Variants in MIR2052HG observed in about 807,000 individuals in gnomAD.
MIR2052HG encodes MIR2052 host gene.
chr8:74,708,922 C>T lies in MIR2052HG; in HGVS notation n.371+5240C>T, dbSNP rs181055630. 1.9e-3 allele frequency among the ~76,000 whole-genome samples: 295 copies of T among 151,902 alleles called. 1 individual carries two copies. Among genetic ancestry groups the T allele is most frequent in the Admixed American group, 4.9e-3 (74 of 15,242 alleles). On this transcript the variant is annotated intron_variant and non_coding_transcript_variant, in intron 4 of 6. Transcript: ENST00000523442. ...GAACTGTAAGATAGAAAATGAGTCC[C>T]GCTTATGGCTTTTCTAGTAACTAAT... is the stretch of plus-strand genomic sequence containing the variant.
intron 2 of MIR2052HG, among the ~76,000 whole-genome samples, chr8:74,688,825 C>A (rs770082563): frequency 6.6e-6 from 1 of 152,112 alleles, no homozygotes; most frequent in African/African-American, 2.4e-5. Flanking sequence ...CACCCTTTCC[C>A]CACAAGTCCC....
At chr8:74,724,696 A>C (rs1420876632) in intron 4 of MIR2052HG, among the ~76,000 whole-genome samples, 2 of 152,184 alleles carry the variant, frequency 1.3e-5, no homozygotes, top group Non-Finnish European at 2.9e-5. Context: ...TGGTTCTAAC[A>C]GGTGAATTTC....
intron 4 of MIR2052HG, among the ~76,000 whole-genome samples, chr8:74,726,804 A>C (rs760970590): frequency 6.6e-6 from 1 of 151,700 alleles, no homozygotes; most frequent in South Asian, 2.1e-4. Context: ...GTAGATACAG[A>C]GTCTTGTTGA....
intron 4 of MIR2052HG, among the ~76,000 whole-genome samples, chr8:74,704,997 A>C (rs1486161779): frequency 6.6e-6 from 1 of 151,966 alleles, no homozygotes; most frequent in Non-Finnish European, 1.5e-5. Context: ...TGAAAGTTGC[A>C]CTGGTCATGA....
In MIR2052HG at chr8:74,714,698, C is replaced by CTTTTTTTTTT. The variant is rs10715580; in HGVS notation, n.371+11026_371+11035dup. On this transcript the variant is annotated intron_variant and non_coding_transcript_variant, in intron 4 of 6. Transcript: ENST00000523442. Reference sequence around the variant, plus strand: ...TCTTTGGGAGACCTCCTTTTTCCTTCTTTTTTTTTTTTTTTTTTTGTTTTT... The same window carrying CTTTTTTTTTT: ...TCTTTGGGAGACCTCCTTTTTCCTTCTTTTTTTTTTTTTTTTTTTTTTTTTTTTTGTTTTT... Among the ~76,000 whole-genome samples the CTTTTTTTTTT allele has an allele frequency of 2.6e-4, 32 of 124,440 alleles. 1 individual carries two copies. Among genetic ancestry groups the CTTTTTTTTTT allele is most frequent in the African/African-American group, 3.0e-4 (10 of 33,570 alleles). The allele number at this position is 124,440 out of a possible 152,430, so 81.6% of individuals were successfully genotyped here.
intron 4 of MIR2052HG, among the ~76,000 whole-genome samples, chr8:74,745,375 A>T (rs989112460): frequency 1.3e-5 from 2 of 152,236 alleles, no homozygotes; most frequent in African/African-American, 4.8e-5. Flanking sequence ...ATAAGCATTG[A>T]TTTATTAAAT....
chr8:74,673,832 T>C (rs1037988331), intron 2 of MIR2052HG, among the ~76,000 whole-genome samples: 12 of 149,458 alleles, frequency 8.0e-5, no homozygotes. Context: ...GCCTAACTTT[T>C]TGATGCCAAT....
At chr8:74,644,545 A>G (rs899094546) in intron 2 of MIR2052HG, among the ~76,000 whole-genome samples, 1 of 152,140 alleles carries the variant, frequency 6.6e-6, no homozygotes, top group African/African-American at 2.4e-5. Context: ...TAAGTGGTGC[A>G]TGATTGTAGT....
chr8:74,642,533 G>T (rs1460884707), intron 2 of MIR2052HG, among the ~76,000 whole-genome samples: 1 of 152,122 alleles, frequency 6.6e-6, no homozygotes, highest in African/African-American at 2.4e-5. Flanking sequence ...GTATATTTGA[G>T]ATTACTGTTA....
At chr8:74,736,586 A>G (rs1366383048) in intron 4 of MIR2052HG, among the ~76,000 whole-genome samples, 3 of 152,194 alleles carry the variant, frequency 2.0e-5, no homozygotes, top group Non-Finnish European at 4.4e-5. Flanking sequence ...TGTGTACTTG[A>G]GTCTCAGAAT....
intron 2 of MIR2052HG, among the ~76,000 whole-genome samples, chr8:74,690,399 A>G (rs1424036148): frequency 6.6e-6 from 1 of 152,196 alleles, no homozygotes; most frequent in African/African-American, 2.4e-5. Flanking sequence ...GCAGGAATTT[A>G]GCACATATAG....
chr8:74,673,062 G>GT (rs1171738281), intron 2 of MIR2052HG, among the ~76,000 whole-genome samples: 1 of 151,986 alleles, frequency 6.6e-6, no homozygotes, highest in Non-Finnish European at 1.5e-5. Context: ...TAATAAAGCA[G>GT]TTAGTAAAGA....
At chr8:74,631,192 C>T (rs904283041) in intron 2 of MIR2052HG, among the ~76,000 whole-genome samples, 1 of 152,188 alleles carries the variant, frequency 6.6e-6, no homozygotes, top group African/African-American at 2.4e-5. Context: ...AAACACAGGC[C>T]TTTTGGCCTG....
chr8:74,674,112 G>A (rs1219859548), intron 2 of MIR2052HG, among the ~76,000 whole-genome samples: 1 of 149,028 alleles, frequency 6.7e-6, no homozygotes, highest in Non-Finnish European at 1.5e-5. Flanking sequence ...GATACATGGT[G>A]TAGACCGGTT....
chr8:74,657,873 A>C (rs1440084126), intron 2 of MIR2052HG, among the ~76,000 whole-genome samples: 3 of 152,118 alleles, frequency 2.0e-5, no homozygotes, highest in African/African-American at 7.2e-5. Flanking sequence ...ATACAGCCAA[A>C]CCATATCACC....
intron 5 of MIR2052HG, chr8:74,757,448 G>A (rs1810016051): frequency 6.6e-6 from 1 of 152,202 alleles, no homozygotes; most frequent in Non-Finnish European, 1.5e-5. Flanking sequence ...TGCCCAGCAA[G>A]TTGGCTTTTC....
At chr8:74,642,875 C>T (rs1233644418) in intron 2 of MIR2052HG, among the ~76,000 whole-genome samples, 1 of 152,142 alleles carries the variant, frequency 6.6e-6, no homozygotes, top group Non-Finnish European at 1.5e-5. Flanking sequence ...GCATTTGTTC[C>T]TCAAATTCTA....
chr8:74,692,187 T>C (rs1267189965), intron 2 of MIR2052HG, among the ~76,000 whole-genome samples: 1 of 152,130 alleles, frequency 6.6e-6, no homozygotes, highest in Non-Finnish European at 1.5e-5. Flanking sequence ...GCTTTCTGGG[T>C]TCAAATGATT....
At chr8:74,756,803 T>C (rs1240961889) in intron 5 of MIR2052HG, 10 of 152,230 alleles carry the variant, frequency 6.6e-5, no homozygotes, top group Non-Finnish European at 1.5e-4. Flanking sequence ...AAAATATGTG[T>C]TGCCTTTTCT....
Sources: gnomAD v4.1 joint callset for allele counts (sites outside exome capture counted in the v4.1 genomes callset) on GRCh38, gnomAD v4.1.1 for gene constraint, MANE v1.5 for transcripts, NCBI Gene and HGNC (gene_info 2026-07-23, HGNC 2026-07-21) for gene names.